CCDC85A: variants seen among roughly 807,000 people sequenced by gnomAD.
CCDC85A encodes coiled-coil domain containing 85A, also known as coiled-coil domain-containing protein 85A.
In CCDC85A, 38 loss-of-function variants were observed where a neutral mutation model predicts 50.2. The observed-to-expected ratio is 0.76, with a 90% confidence interval of 0.58 to 0.99. The LOEUF (loss-of-function observed/expected upper bound fraction) is 0.99. CCDC85A is among the 50% of genes least tolerant of loss of function. CCDC85A has a pLI of 0.00. For synonymous variants in CCDC85A, 366 were observed against 301.4 expected (o/e 1.21, Z -2.22); for missense variants, 820 against 742.0 (o/e 1.11, Z -1.22).
chr2:56,217,541 G>T (rs1668123987), intron 2 of CCDC85A, among the ~76,000 whole-genome samples: 1 of 151,830 alleles, frequency 6.6e-6, no homozygotes, highest in Non-Finnish European at 1.5e-5. Context: ...TAAAATGAAT[G>T]TTGTGTTAGG....
chr2:56,371,351 T>C (rs1030627395), intron 3 of CCDC85A, among the ~76,000 whole-genome samples: 5 of 152,064 alleles, frequency 3.3e-5, no homozygotes, highest in East Asian at 1.9e-4. Flanking sequence ...AGAGTGAAAA[T>C]TGGACCAGTA....
intron 2 of CCDC85A, among the ~76,000 whole-genome samples, chr2:56,289,258 T>C (rs990351351): frequency 6.6e-6 from 1 of 152,194 alleles, no homozygotes; most frequent in African/African-American, 2.4e-5. Flanking sequence ...TACCTATGCT[T>C]ATTGGTTATT....
chr2:56,367,405 C>G (rs1675850384), intron 3 of CCDC85A, among the ~76,000 whole-genome samples: 1 of 152,162 alleles, frequency 6.6e-6, no homozygotes, highest in South Asian at 2.1e-4. Flanking sequence ...AGCTCCAAAT[C>G]CTGTGGGCAA....
chr2:56,189,020 A>G (rs928938801), intron 1 of CCDC85A, among the ~76,000 whole-genome samples: 3 of 152,236 alleles, frequency 2.0e-5, no homozygotes, highest in African/African-American at 7.2e-5. Flanking sequence ...TGAGTGGGAA[A>G]GTTACTTCAT....
chr2:56,349,795 C>T (rs1386709038), intron 3 of CCDC85A, among the ~76,000 whole-genome samples: 3 of 152,106 alleles, frequency 2.0e-5, no homozygotes, highest in Non-Finnish European at 4.4e-5. Context: ...TATATCTACA[C>T]TGGTATATTA....
intron 2 of CCDC85A, among the ~76,000 whole-genome samples, chr2:56,228,734 T>TC (rs1230702227): frequency 6.6e-6 from 1 of 151,954 alleles, no homozygotes; most frequent in Admixed American, 6.6e-5. Context: ...ACGGTTTCAC[T>TC]GTGTTAGCCA....
chr2:56,376,080 T>C, intron 5 of CCDC85A, 145 bp downstream of exon 5: 1 of 841,766 alleles, frequency 1.2e-6, no homozygotes, highest in Non-Finnish European at 1.7e-6. Flanking sequence ...AAATCTTAAT[T>C]TTTGAAGTAT....
At chr2:56,324,144 G>A (rs1416783670) in intron 2 of CCDC85A, among the ~76,000 whole-genome samples, 1 of 152,064 alleles carries the variant, frequency 6.6e-6, no homozygotes. Flanking sequence ...TGTATAACAT[G>A]TTGATTTAAG....
At chr2:56,356,684 C>T (rs1336090384) in intron 3 of CCDC85A, among the ~76,000 whole-genome samples, 1 of 148,606 alleles carries the variant, frequency 6.7e-6, no homozygotes, top group African/African-American at 2.5e-5. Context: ...GAGATCATGC[C>T]ACTGCACTTC....
rs113479700 is a variant in CCDC85A at position 56,209,604 on chromosome 2, A to G, written c.1240+16164A>G. Among the ~76,000 whole-genome samples, 509 of 152,072 alleles carry G rather than the reference A, an allele frequency of 3.3e-3. 3 individuals are homozygous for G. Among genetic ancestry groups the G allele is most frequent in the African/African-American group, 0.012 (485 of 41,500 alleles). On this transcript the variant is annotated intron_variant, in intron 2 of 5. Transcript: ENST00000407595. ...TGGATAGGTCTGCATTGGTAGTAGG[A>G]ACTTCTGAGAATTTGTAATTTCTGT...
At chr2:56,293,973 A>G (rs112536149) in intron 2 of CCDC85A, among the ~76,000 whole-genome samples, 1 of 152,246 alleles carries the variant, frequency 6.6e-6, no homozygotes, top group Non-Finnish European at 1.5e-5. Context: ...CCAAAGGAAT[A>G]TAAATCATTC....
At chr2:56,274,043 A>G (rs553599973) in intron 2 of CCDC85A, among the ~76,000 whole-genome samples, 18 of 152,270 alleles carry the variant, frequency 1.2e-4, no homozygotes, top group Middle Eastern at 3.4e-3. Context: ...TATCTGGAGG[A>G]TGGGAGAGGT....
At position 56,274,339 on chromosome 2, in the gene CCDC85A, A is replaced by C. The variant is rs189454421; in HGVS notation, c.1241-68540A>C. On this transcript the variant is annotated intron_variant, in intron 2 of 5. Coordinates refer to ENST00000407595, the MANE Select transcript of CCDC85A (RefSeq NM_001080433.2). ...TAGTGAGAGAGTTTTGATTTTAAGA[A>C]ATGATTGTGGGGGCTGACAAGTTTG... is the stretch of plus-strand genomic sequence containing the variant. 2.6e-5 allele frequency among the ~76,000 whole-genome samples: 4 copies of C among 152,250 alleles called. No individual in the cohort carries two copies. The East Asian group carries it at 7.7e-4, about 29-fold the overall frequency.
At chr2:56,227,567 G>A (rs1209475219) in intron 2 of CCDC85A, among the ~76,000 whole-genome samples, 3 of 152,080 alleles carry the variant, frequency 2.0e-5, no homozygotes. Context: ...TTTATTCTCT[G>A]AAGACTTGTC....
At chr2:56,338,754 T>C (rs1186700632) in intron 2 of CCDC85A, among the ~76,000 whole-genome samples, 3 of 152,124 alleles carry the variant, frequency 2.0e-5, no homozygotes, top group Admixed American at 2.0e-4. Flanking sequence ...TTTTTTCTCA[T>C]GTCACAGTTG....
At chr2:56,256,531 G>T (rs2104008594) in intron 2 of CCDC85A, among the ~76,000 whole-genome samples, 1 of 152,306 alleles carries the variant, frequency 6.6e-6, no homozygotes, top group South Asian at 2.1e-4. Context: ...CATGCATAAG[G>T]AGGGAATGAA....
intron 3 of CCDC85A, among the ~76,000 whole-genome samples, chr2:56,370,868 G>C (rs979118494): frequency 5.3e-5 from 8 of 152,188 alleles, no homozygotes; most frequent in African/African-American, 1.9e-4. Flanking sequence ...GATAAGATCT[G>C]AGAGGTGCAT....
chr2:56,252,709 G>A (rs1001689937), intron 2 of CCDC85A, among the ~76,000 whole-genome samples: 2 of 151,956 alleles, frequency 1.3e-5, no homozygotes, highest in African/African-American at 2.4e-5. Flanking sequence ...CCGCCCAACC[G>A]ACAGGCCCCA....
At chr2:56,198,315 G>A (rs1482863967) in intron 2 of CCDC85A, among the ~76,000 whole-genome samples, 1 of 152,204 alleles carries the variant, frequency 6.6e-6, no homozygotes, top group African/African-American at 2.4e-5. Context: ...TGTCTCCTGG[G>A]AGAAAAATTT....
Sources: gnomAD v4.1 joint callset for allele counts (sites outside exome capture counted in the v4.1 genomes callset) on GRCh38, gnomAD v4.1.1 for gene constraint, MANE v1.5 for transcripts, NCBI Gene and HGNC (gene_info 2026-07-23, HGNC 2026-07-21) for gene names.